Variants in LATS1 observed in about 807,000 individuals in gnomAD.
LATS1 encodes the protein serine/threonine-protein kinase LATS1.
A neutral mutation model predicts 106.6 loss-of-function variants in LATS1; 25 were observed. That is an observed-to-expected ratio of 0.23 (90% CI 0.17 to 0.33). LATS1 has a LOEUF of 0.33. LATS1 is among the 10% of genes least tolerant of loss of function. LATS1 has a pLI of 1.00. For missense variants in LATS1, 1,040 were observed against 1,382.6 expected (o/e 0.75, Z 3.93); for synonymous variants, 465 against 455.6 (o/e 1.02, Z -0.26).
intron 2 of LATS1, among the ~76,000 whole-genome samples, chr6:149,695,893 CTTCTAA>C: frequency 6.6e-6 from 1 of 151,670 alleles, no homozygotes; most frequent in South Asian, 2.1e-4. Context: ...ATTCTGATTA[CTTCTAA>C]TTCTTTTTAC....
intron 3 of LATS1, among the ~76,000 whole-genome samples, chr6:149,688,122 G>A (rs9505967): frequency 3.3e-5 from 5 of 150,010 alleles, no homozygotes; most frequent in African/African-American, 9.8e-5. Context: ...TGATCTGCCC[G>A]TCTTGGCCTC....
chr6:149,705,084 CT>C (rs1434638828), intron 1 of LATS1, among the ~76,000 whole-genome samples: 1 of 150,092 alleles, frequency 6.7e-6, no homozygotes, highest in Non-Finnish European at 1.5e-5. Flanking sequence ...CATTTCTCCA[CT>C]TTGAAAAAAA....
chr6:149,704,452 A>C (rs1783637920), intron 1 of LATS1, among the ~76,000 whole-genome samples: 1 of 152,056 alleles, frequency 6.6e-6, no homozygotes, highest in Admixed American at 6.6e-5. Flanking sequence ...AAATATGCTA[A>C]AAAAACACTT....
rs1780878774 is a variant in LATS1, at chr6:149,661,426, C to T, written c.*303G>A. ...TATTTAGCATATATACAAATAGATACCAGGTTTCTCCTTTTAAACAAAGCA... is the reference window on the plus strand; with the variant it reads ...TATTTAGCATATATACAAATAGATATCAGGTTTCTCCTTTTAAACAAAGCA... On this transcript the variant is annotated 3_prime_UTR_variant, in exon 8 of 8. Transcript: ENST00000543571. 1 of 285,078 alleles carries T rather than the reference C, an allele frequency of 3.5e-6. No homozygotes were observed. The highest frequency in any genetic ancestry group is 6.5e-6 in the Non-Finnish European group (1 of 154,094). 17.7% of individuals were successfully genotyped at this position (285,078 alleles called of 1,614,324 possible).
At position 149,661,330 on chromosome 6, in the gene LATS1, T is replaced by C; in HGVS notation, c.*399A>G. ...TCTGTAAAATAGGGGGTATGTTTCATATTTGGTTAAAGCAAGATAAAACTA... is the reference window on the plus strand; with the variant it reads ...TCTGTAAAATAGGGGGTATGTTTCACATTTGGTTAAAGCAAGATAAAACTA... On this transcript the variant is annotated 3_prime_UTR_variant, in exon 8 of 8. Transcript: ENST00000543571. 1 of 235,444 alleles carries C rather than the reference T, an allele frequency of 4.2e-6. No homozygotes were observed. Among genetic ancestry groups the C allele is most frequent in the East Asian group, 6.1e-5 (1 of 16,418 alleles). 14.6% of individuals were successfully genotyped at this position (235,444 alleles called of 1,614,324 possible).
At chr6:149,672,216 C>CA (rs977124494) in intron 7 of LATS1, among the ~76,000 whole-genome samples, 1 of 138,590 alleles carries the variant, frequency 7.2e-6, no homozygotes, top group African/African-American at 2.7e-5. Flanking sequence ...CTTTTCTTTT[C>CA]TTTTTTTTTT....
intron 1 of LATS1, among the ~76,000 whole-genome samples, chr6:149,717,140 A>C (rs767847448): frequency 6.6e-6 from 1 of 152,234 alleles, no homozygotes; most frequent in Non-Finnish European, 1.5e-5. Flanking sequence ...ATGTTTTAAA[A>C]GCCGTATTAA....
chr6:149,672,301 C>G (rs1781484581), intron 7 of LATS1, among the ~76,000 whole-genome samples: 1 of 151,692 alleles, frequency 6.6e-6, no homozygotes, highest in Non-Finnish European at 1.5e-5. Context: ...TCTTTACCTC[C>G]CAGGTTCAAG....
Position 149,661,688 on chromosome 6 carries a change from GGCCCTTTTACAAA to G in LATS1, c.*28_*40del. On this transcript the variant is annotated 3_prime_UTR_variant, in exon 8 of 8. Transcript: ENST00000543571. ...GAACCTCAAAACACCTCGCATTTCA[GGCCCTTTTACAAA>G]TCCTCATTACATTTATTTACTAGTG... The G allele has an allele frequency of 6.7e-7, 1 of 1,502,142 alleles. No homozygotes were observed. The highest frequency in any genetic ancestry group is 8.9e-7 in the Non-Finnish European group (1 of 1,126,606). The allele number at this position is 1,502,142 out of a possible 1,614,324, so 93.1% of individuals were successfully genotyped here. A position where few individuals can be genotyped will look rare whatever the true frequency, so the allele number is the denominator to read the frequency against.
At chr6:149,666,672 G>A (rs1185371224) in intron 7 of LATS1, among the ~76,000 whole-genome samples, 1 of 151,688 alleles carries the variant, frequency 6.6e-6, no homozygotes, top group African/African-American at 2.4e-5. Context: ...GTTGGGCATG[G>A]TGGCTCACGC....
chr6:149,675,907 G>T, intron 7 of LATS1: 1 of 235,518 alleles, frequency 4.2e-6, no homozygotes, highest in Non-Finnish European at 8.4e-6. Context: ...CTGTATGAGT[G>T]AGGGGGGATA....
At chr6:149,686,494 C>T (rs557362433) in intron 3 of LATS1, among the ~76,000 whole-genome samples, 6 of 152,262 alleles carry the variant, frequency 3.9e-5, no homozygotes, top group Middle Eastern at 3.4e-3. Context: ...CGGATCCACT[C>T]GGCTCCACAG....
At chr6:149,677,491 G>A (rs1274617498) in intron 5 of LATS1, among the ~76,000 whole-genome samples, 1 of 152,166 alleles carries the variant, frequency 6.6e-6, no homozygotes. Context: ...AGTAAAGTGA[G>A]AAGATATTGC....
Position 149,661,587 on chromosome 6 carries a change from A to G in LATS1, c.*142T>C. 1 of 603,472 alleles carries G rather than the reference A, an allele frequency of 1.7e-6. No homozygotes were observed. The highest frequency in any genetic ancestry group is 3.3e-5 in the Admixed American group (1 of 29,888). 37.4% of individuals were successfully genotyped at this position (603,472 alleles called of 1,614,324 possible). Reference sequence around the variant, plus strand: ...AATTAACATTTTAAAAGGATTTCCCATAATTTAGGAAAATAAAATATTGTA... The same window carrying G: ...AATTAACATTTTAAAAGGATTTCCCGTAATTTAGGAAAATAAAATATTGTA... On this transcript the variant is annotated 3_prime_UTR_variant, in exon 8 of 8. Coordinates refer to ENST00000543571, the MANE Select transcript of LATS1 (RefSeq NM_004690.4).
At position 149,698,615 on chromosome 6, in the gene LATS1, A is replaced by T. The variant is rs1473972717; in HGVS notation, c.348+3164T>A. Among the ~76,000 whole-genome samples, 11 of 146,506 alleles carry T rather than the reference A, an allele frequency of 7.5e-5. No homozygotes were observed. The Admixed American group carries it at 7.5e-4, about 10-fold the overall frequency. Reference sequence around the variant, plus strand: ...GCCCAGGCTGGAGTACAATGGTGTGATCTCGGCCCACTGCAACCTCCGCCG... The same window carrying T: ...GCCCAGGCTGGAGTACAATGGTGTGTTCTCGGCCCACTGCAACCTCCGCCG... On this transcript the variant is annotated intron_variant, in intron 2 of 7. Coordinates refer to ENST00000543571, the MANE Select transcript of LATS1 (RefSeq NM_004690.4).
intron 2 of LATS1, chr6:149,696,943 T>C: frequency 2.5e-6 from 1 of 402,700 alleles, no homozygotes; most frequent in South Asian, 1.8e-5. Flanking sequence ...TAAGAAAACA[T>C]GTAAACTACC....
In LATS1 at chr6:149,683,469, C is replaced by G. The variant is rs73779542; in HGVS notation, c.1620G>C (p.Val540=). 1.3e-5 allele frequency: 21 copies of G among 1,614,044 alleles called. No individual in the cohort carries two copies. The South Asian group carries it at 2.1e-4, about 16-fold the overall frequency. ...CTTCAGCAACAGGTGGCATCACAGT[C>G]ACATTTGAAGCGGTTCCCTCAGGAA... ...SPFPEGTASN[V]TVMPPVAEAP... is the part of the protein sequence containing the mutation. Residue 540 remains valine (V), a synonymous_variant, in exon 4 of 8, where the codon GTG becomes GTC. Coordinates refer to ENST00000543571, the MANE Select transcript of LATS1 (RefSeq NM_004690.4).
chr6:149,697,027 A>G, intron 2 of LATS1: 1 of 630,972 alleles, frequency 1.6e-6, no homozygotes, highest in East Asian at 6.4e-5. Flanking sequence ...TATAAACATA[A>G]ATCACTCACT....
intron 4 of LATS1, among the ~76,000 whole-genome samples, chr6:149,680,743 GAAAA>G (rs5880846): frequency 1.8e-5 from 2 of 110,328 alleles, no homozygotes; most frequent in Non-Finnish European, 3.9e-5. Context: ...AATGCACTCC[GAAAA>G]AAAAAAAAAA....
Sources: gnomAD v4.1 joint callset for allele counts (sites outside exome capture counted in the v4.1 genomes callset) on GRCh38, gnomAD v4.1.1 for gene constraint, MANE v1.5 for transcripts, NCBI Gene and HGNC (gene_info 2026-07-23, HGNC 2026-07-21) for gene names.